The following PKN2 variants were observed in gnomAD, a reference collection of about 807,000 sequenced individuals.
PKN2 encodes the protein protein kinase N2, also known as serine/threonine-protein kinase N2.
Under a neutral mutation model 119.1 loss-of-function variants are expected in PKN2, and 38 were observed. The observed-to-expected ratio is 0.32, with a 90% CI of 0.25 to 0.42. The LOEUF is 0.42. PKN2 is among the 10% of genes least tolerant of loss of function. PKN2 has a pLI of 1.00. For synonymous variants in PKN2, 390 were observed against 384.9 expected (o/e 1.01, Z -0.15); for missense variants, 850 against 1,165.1 (o/e 0.73, Z 3.94).
At chr1:88,777,701 C>T (rs1211604470) in intron 6 of PKN2, among the ~76,000 whole-genome samples, 1 of 152,144 alleles carries the variant, frequency 6.6e-6, no homozygotes, top group Non-Finnish European at 1.5e-5. Flanking sequence ...CTCCTCTCAG[C>T]CAATGGCATT....
At chr1:88,824,420 C>G in intron 18 of PKN2, 34 bp downstream of exon 18, 1 of 1,186,612 alleles carries the variant, frequency 8.4e-7, no homozygotes, top group South Asian at 1.3e-5. Flanking sequence ...TTTTCTGATT[C>G]AGAATTACTG....
chr1:88,777,105 C>T (rs1670138894), intron 6 of PKN2, among the ~76,000 whole-genome samples: 1 of 151,984 alleles, frequency 6.6e-6, no homozygotes, highest in Non-Finnish European at 1.5e-5. Context: ...TTTTTTCTTT[C>T]TGCTCTTAAG....
chr1:88,753,120 CTTTTATTT>C (rs1425831027), intron 2 of PKN2, among the ~76,000 whole-genome samples: 5 of 152,122 alleles, frequency 3.3e-5, no homozygotes, highest in Non-Finnish European at 7.4e-5. Context: ...CCTTAGAATG[CTTTTATTT>C]GCCTACACCC....
At chr1:88,814,694 C>T (rs911795850) in intron 16 of PKN2, among the ~76,000 whole-genome samples, 4 of 152,142 alleles carry the variant, frequency 2.6e-5, no homozygotes, top group Non-Finnish European at 1.5e-5. Flanking sequence ...CAAGCCAGAA[C>T]ACAAAAAGTC....
intron 1 of PKN2, among the ~76,000 whole-genome samples, chr1:88,721,264 C>T (rs1667668002): frequency 6.6e-6 from 1 of 152,138 alleles, no homozygotes. Flanking sequence ...GTTCCCTTTT[C>T]ACCATATCCA....
At chr1:88,696,726 C>T (rs1277071395) in intron 1 of PKN2, among the ~76,000 whole-genome samples, 1 of 152,106 alleles carries the variant, frequency 6.6e-6, no homozygotes, top group Non-Finnish European at 1.5e-5. Context: ...TTGGGACAGA[C>T]TATTTTCTGA....
At chr1:88,785,305 C>G (rs975815800) in intron 7 of PKN2, among the ~76,000 whole-genome samples, 1 of 151,586 alleles carries the variant, frequency 6.6e-6, no homozygotes, top group Non-Finnish European at 1.5e-5. Context: ...ATTTTTTTTT[C>G]TAGAGGCAGG....
chr1:88,696,782 G>A (rs1391729600), intron 1 of PKN2, among the ~76,000 whole-genome samples: 1 of 151,980 alleles, frequency 6.6e-6, no homozygotes, highest in East Asian at 1.9e-4. Context: ...CTGCTTAAAT[G>A]TTTCAGTTAC....
intron 3 of PKN2, among the ~76,000 whole-genome samples, chr1:88,765,081 TA>T (rs1488714069): frequency 6.7e-6 from 1 of 148,410 alleles, no homozygotes; most frequent in Non-Finnish European, 1.5e-5. Context: ...TGCACACCAC[TA>T]TGCCTGGCTA....
At chr1:88,790,198 T>C (rs1670760927) in intron 8 of PKN2, among the ~76,000 whole-genome samples, 1 of 152,230 alleles carries the variant, frequency 6.6e-6, no homozygotes, top group African/African-American at 2.4e-5. Flanking sequence ...GAGAACTCTC[T>C]TCTACATTGG....
chr1:88,829,101 A>C (rs1672626671), intron 19 of PKN2: 6 of 713,954 alleles, frequency 8.4e-6, no homozygotes, highest in Non-Finnish European at 1.6e-5. Context: ...GTAAGAACAA[A>C]ATGGATGGAG....
chr1:88,722,562 C>T (rs566832655), intron 1 of PKN2, among the ~76,000 whole-genome samples: 1 of 152,026 alleles, frequency 6.6e-6, no homozygotes, highest in Admixed American at 6.6e-5. Flanking sequence ...ATCGCTTGAG[C>T]CAGGAGTTCA....
chr1:88,737,243 T>G (rs1318098329), intron 1 of PKN2, among the ~76,000 whole-genome samples: 1 of 152,198 alleles, frequency 6.6e-6, no homozygotes, highest in African/African-American at 2.4e-5. Context: ...TCAAGTCCAC[T>G]GCAGACAGAC....
chr1:88,831,411 C>T (rs1020349843), intron 19 of PKN2, among the ~76,000 whole-genome samples: 1 of 151,692 alleles, frequency 6.6e-6, no homozygotes, highest in African/African-American at 2.4e-5. Context: ...ATAAAATTTT[C>T]TTCTGACTTA....
intron 2 of PKN2, among the ~76,000 whole-genome samples, chr1:88,749,365 A>G (rs1353568648): frequency 2.7e-5 from 4 of 147,508 alleles, no homozygotes; most frequent in African/African-American, 1.0e-4. Flanking sequence ...AGATCGAGCC[A>G]TTGCACTCCA....
At chr1:88,819,965 G>A (rs1672178302) in intron 16 of PKN2, among the ~76,000 whole-genome samples, 1 of 151,278 alleles carries the variant, frequency 6.6e-6, no homozygotes, top group Non-Finnish European at 1.5e-5. Context: ...AGAACACCTG[G>A]ACACAGGGAG....
intron 1 of PKN2, among the ~76,000 whole-genome samples, chr1:88,715,828 T>G (rs907981086): frequency 1.1e-4 from 17 of 152,246 alleles, no homozygotes; most frequent in Admixed American, 2.6e-4. Context: ...TTTCTTGCTT[T>G]CTGCTAGCTT....
intron 8 of PKN2, among the ~76,000 whole-genome samples, chr1:88,792,943 A>G (rs1034681831): frequency 9.9e-5 from 15 of 152,222 alleles, no homozygotes; most frequent in Admixed American, 7.9e-4. Context: ...AAAAATATGC[A>G]AGAACTGAGG....
At chr1:88,758,038 C>CAAAAAAAAAAAAAAAAAA (rs33914457) in intron 2 of PKN2, among the ~76,000 whole-genome samples, 1 of 59,070 alleles carries the variant, frequency 1.7e-5, no homozygotes, top group Non-Finnish European at 3.0e-5. Context: ...GAGACTATCT[C>CAAAAAAAAAAAAAAAAAA]AAAAAAAAAA....
Sources: allele counts gnomAD v4.1 joint callset (sites outside exome capture counted in the v4.1 genomes callset), GRCh38; gene constraint gnomAD v4.1.1; transcripts MANE v1.5; gene names NCBI Gene and HGNC (gene_info 2026-07-23, HGNC 2026-07-21).